RUFY1: variants seen among roughly 807,000 people sequenced by gnomAD.
RUFY1 encodes RUN and FYVE domain-containing protein 1.
RUFY1 carries 54 observed loss-of-function variants against 94.6 expected under a neutral mutation model. The ratio of observed to expected loss-of-function variants is 0.57; its 90% CI spans 0.46 to 0.72. RUFY1 has a LOEUF of 0.72. Ranked by LOEUF, RUFY1 falls within the 30% of genes least tolerant of loss-of-function variation. RUFY1 has a pLI of 0.00. For missense variants in RUFY1, 883 were observed against 883.9 expected (o/e 1.00, Z 0.01); for synonymous variants, 396 against 347.3 (o/e 1.14, Z -1.56).
chr5:179,585,920 G>C, intron 8 of RUFY1, 55 bp downstream of exon 8: 1 of 1,399,838 alleles, frequency 7.1e-7, no homozygotes, highest in East Asian at 2.3e-5. Flanking sequence ...AAGGTTAAGA[G>C]AATCTGTGTA....
At chr5:179,572,749 G>A (rs1228707274) in intron 5 of RUFY1, 1 of 158,916 alleles carries the variant, frequency 6.3e-6, no homozygotes, top group Non-Finnish European at 1.4e-5. Flanking sequence ...TAGGCTGGCC[G>A]ATGGATAGTG....
intron 8 of RUFY1, among the ~76,000 whole-genome samples, chr5:179,587,559 ATTTTT>A (rs34633958): frequency 3.7e-5 from 4 of 108,088 alleles, no homozygotes; most frequent in African/African-American, 7.5e-5. Flanking sequence ...GCCCGGCTAA[ATTTTT>A]TTTTTTTTTT....
chr5:179,594,921 AAACC>A lies in RUFY1; in HGVS notation c.1476_1479del (p.Asn492LysfsTer6). 3.7e-6 allele frequency: 6 copies of A among 1,613,594 alleles called. No homozygotes were observed. The highest frequency in any genetic ancestry group is 1.3e-5 in the African/African-American group (1 of 75,006). On this transcript the variant is annotated frameshift_variant, in exon 12 of 18. Transcript: ENST00000319449. LOFTEE classifies it high-confidence loss of function. Reference sequence around the variant, plus strand: ...GAAGCCATCACATCCTTTGAAGGAAAAACCAACCAAGTTATGTCCAGCATGAAAC... The same window carrying A: ...GAAGCCATCACATCCTTTGAAGGAAAAACCAAGTTATGTCCAGCATGAAAC...
intron 5 of RUFY1, among the ~76,000 whole-genome samples, chr5:179,571,848 A>G (rs1055571556): frequency 4.6e-5 from 7 of 151,806 alleles, no homozygotes; most frequent in African/African-American, 1.5e-4. Flanking sequence ...TTCTTTGTCC[A>G]TTTTTGAGTT....
chr5:179,581,353 C>T (rs1162599914), intron 7 of RUFY1, among the ~76,000 whole-genome samples: 1 of 151,798 alleles, frequency 6.6e-6, no homozygotes, highest in Non-Finnish European at 1.5e-5. Context: ...GCACCCAGTG[C>T]ATTAGGCCAG....
intron 6 of RUFY1, among the ~76,000 whole-genome samples, chr5:179,580,484 T>C (rs1380145037): frequency 4.6e-5 from 7 of 151,674 alleles, no homozygotes; most frequent in African/African-American, 9.7e-5. Flanking sequence ...CCTCGTGATC[T>C]GCCCACCTTG....
At chr5:179,569,264 G>A in intron 4 of RUFY1, 38 bp from the exon 5 acceptor site, 1 of 1,613,312 alleles carries the variant, frequency 6.2e-7, no homozygotes, top group Non-Finnish European at 8.5e-7. Flanking sequence ...TGGTGAAGCT[G>A]TTTCTGAGCA....
intron 1 of RUFY1, among the ~76,000 whole-genome samples, chr5:179,559,438 G>A (rs901710871): frequency 6.6e-6 from 1 of 152,226 alleles, no homozygotes; most frequent in African/African-American, 2.4e-5. Flanking sequence ...GCCTGGAGCT[G>A]AGGGGAAGAT....
intron 14 of RUFY1, among the ~76,000 whole-genome samples, chr5:179,601,153 G>T (rs927877563): frequency 6.6e-6 from 1 of 151,610 alleles, no homozygotes; most frequent in Non-Finnish European, 1.5e-5. Flanking sequence ...ATACAGGACT[G>T]CATTTTGCTC....
intron 7 of RUFY1, among the ~76,000 whole-genome samples, chr5:179,583,729 TTTTA>T (rs1764365081): frequency 1.4e-5 from 2 of 140,872 alleles, no homozygotes; most frequent in African/African-American, 5.2e-5. Flanking sequence ...TCATTTATAT[TTTTA>T]TTTATTTTTA....
rs777338134 is a variant in RUFY1 at position 179,560,215 on chromosome 5, G to A, written c.484+17G>A. 1 of 1,607,634 alleles carries A rather than the reference G, an allele frequency of 6.2e-7. No homozygotes were observed. The highest frequency in any genetic ancestry group is 1.1e-5 in the South Asian group (1 of 90,684). The stretch of plus-strand genomic sequence containing the variant: ...GGCTGAAAGGTGAGCCTGAGGGGGC[G>A]TTTGGGAGCGTGGAAGTTCGGGCTG... On this transcript the variant is annotated intron_variant, in intron 2 of 17. Coordinates refer to ENST00000319449, the MANE Select transcript of RUFY1 (RefSeq NM_025158.5).
chr5:179,565,687 G>T (rs778503346), intron 3 of RUFY1, among the ~76,000 whole-genome samples: 1 of 151,834 alleles, frequency 6.6e-6, no homozygotes, highest in African/African-American at 2.4e-5. Context: ...GTTTAACCCC[G>T]CCTTGTGGCT....
chr5:179,585,832 C>T lies in RUFY1; in HGVS notation c.993C>T (p.Gly331=). 2 of 1,613,752 alleles carry T rather than the reference C, an allele frequency of 1.2e-6. No homozygotes were observed. The highest frequency in any genetic ancestry group is 1.7e-6 in the Non-Finnish European group (2 of 1,179,680). The part of the protein sequence containing the change: ...TVGDLQTKID[G]LEKTNSKLQE... The stretch of plus-strand genomic sequence containing the variant: ...GGGATCTTCAAACCAAGATAGATGG[C>T]TTGGAAAAGACTAACTCAAAGCTTC... Residue 331 remains glycine (G), a synonymous_variant, in exon 8 of 18, where the codon GGC becomes GGT. Transcript: ENST00000319449.
At chr5:179,576,996 AAT>A (rs1763662289) in intron 5 of RUFY1, 77 bp from the exon 6 acceptor site, 2 of 974,932 alleles carry the variant, frequency 2.1e-6, no homozygotes, top group African/African-American at 3.2e-5. Flanking sequence ...ATAAGAATGA[AAT>A]ACCTGAATTT....
At chr5:179,565,136 A>G (rs1762741181) in intron 3 of RUFY1, among the ~76,000 whole-genome samples, 1 of 142,488 alleles carries the variant, frequency 7.0e-6, no homozygotes, top group African/African-American at 2.6e-5. Flanking sequence ...GGAGACAAGT[A>G]TATGCCTTTT....
At chr5:179,604,958 T>C (rs1429070750) in intron 15 of RUFY1, among the ~76,000 whole-genome samples, 1 of 143,794 alleles carries the variant, frequency 7.0e-6, no homozygotes, top group African/African-American at 2.6e-5. Context: ...CACTCCAGCC[T>C]GGCCAATGCA....
intron 3 of RUFY1, among the ~76,000 whole-genome samples, chr5:179,565,392 T>A (rs528381283): frequency 1.3e-5 from 2 of 152,056 alleles, no homozygotes; most frequent in East Asian, 3.9e-4. Context: ...TTGGCCAGGC[T>A]AGTCTCAAAC....
chr5:179,594,908 T>A lies in RUFY1; in HGVS notation c.1456T>A (p.Ser486Thr). Residue 486 changes from serine to threonine, a missense_variant, in exon 12 of 18, where the codon TCC (serine) becomes ACC (threonine). Coordinates refer to ENST00000319449, the MANE Select transcript of RUFY1 (RefSeq NM_025158.5). ...SLQQKNEAIT[S>T]FEGKTNQVMS... ...GCAGCAGAAGAATGAAGCCATCACA[T>A]CCTTTGAAGGAAAAACCAACCAAGT... The A allele has an allele frequency of 6.2e-7, 1 of 1,610,726 alleles. No homozygotes were observed. Among genetic ancestry groups the A allele is most frequent in the Non-Finnish European group, 8.5e-7 (1 of 1,178,056 alleles).
At chr5:179,575,142 G>T (rs72824509) in intron 5 of RUFY1, among the ~76,000 whole-genome samples, 1 of 149,698 alleles carries the variant, frequency 6.7e-6, no homozygotes, top group Non-Finnish European at 1.5e-5. Flanking sequence ...TTATGTTCAC[G>T]TAGGTTTTGT....
Sources: gnomAD v4.1 joint callset for allele counts (sites outside exome capture counted in the v4.1 genomes callset) on GRCh38, gnomAD v4.1.1 for gene constraint, MANE v1.5 for transcripts, NCBI Gene and HGNC (gene_info 2026-07-23, HGNC 2026-07-21) for gene names.